Variants in TRPC6 observed in about 807,000 individuals in gnomAD.
TRPC6 encodes short transient receptor potential channel 6.
Under a neutral mutation model 90.7 loss-of-function variants are expected in TRPC6, and 55 were observed. That is an observed-to-expected ratio of 0.61 (90% CI 0.49 to 0.76). TRPC6 has a LOEUF of 0.76. Among genes scored for constraint, TRPC6 ranks in the 30% least tolerant of loss-of-function variants. TRPC6 has a pLI of 0.00. For missense variants in TRPC6, 989 were observed against 1,122.7 expected (o/e 0.88, Z 1.70); for synonymous variants, 393 against 393.0 (o/e 1.00, Z 0.00).
rs150864738 is a variant in TRPC6 at position 101,555,646 on chromosome 11, A to G, written c.170+27688T>C. On this transcript the variant is annotated intron_variant, in intron 1 of 12. Coordinates refer to ENST00000344327, the MANE Select transcript of TRPC6 (RefSeq NM_004621.6). ...ATTTTTAGATGAACATGGGAACATT[A>G]TGTAAGAGAATGCAAACTTTTAATG... Among the ~76,000 whole-genome samples, 63 of 152,304 alleles carry G rather than the reference A, an allele frequency of 4.1e-4. 1 individual carries two copies. In the East Asian group the frequency reaches 0.011, roughly 26 times the overall value.
chr11:101,489,803 C>A (rs1361782387), intron 3 of TRPC6, among the ~76,000 whole-genome samples: 1 of 151,806 alleles, frequency 6.6e-6, no homozygotes, highest in Non-Finnish European at 1.5e-5. Context: ...TTACAAAGGA[C>A]AGGTTATATA....
At position 101,483,169 on chromosome 11, in the gene TRPC6, C is replaced by G; in HGVS notation, c.1294-4G>C. The G allele has an allele frequency of 6.2e-7, 1 of 1,613,862 alleles. No individual in the cohort carries two copies. Among genetic ancestry groups the G allele is most frequent in the Non-Finnish European group, 8.5e-7 (1 of 1,179,844 alleles). ...GTCCACGCATTATCTTCCCCATCTG[C>G]CACAACACACACCAAAATAAAATCT... On this transcript the variant is annotated splice_region_variant and splice_polypyrimidine_tract_variant and intron_variant, in intron 4 of 12. Coordinates refer to ENST00000344327, the MANE Select transcript of TRPC6 (RefSeq NM_004621.6).
Position 101,472,305 on chromosome 11 carries a change from G to T in TRPC6, c.2037C>A (p.Phe679Leu). ...TTVEESFKTL[F>L]WAIFGLSEVK... ...CTTCAGAAAGTCCAAATATAGCCCA[G>T]AACAGTGTCTTAAAACTCTCTTCAA... is the stretch of plus-strand genomic sequence containing the variant. Residue 679 changes from phenylalanine (F) to leucine (L), a missense_variant, in exon 8 of 13, where the codon TTC (phenylalanine) becomes TTA (leucine). Coordinates refer to ENST00000344327, the MANE Select transcript of TRPC6 (RefSeq NM_004621.6). 1 of 1,612,748 alleles carries T rather than the reference G, an allele frequency of 6.2e-7. No homozygotes were observed. Among genetic ancestry groups the T allele is most frequent in the Non-Finnish European group, 8.5e-7 (1 of 1,179,354 alleles).
At chr11:101,499,056 A>C (rs1339277764) in intron 2 of TRPC6, among the ~76,000 whole-genome samples, 4 of 152,188 alleles carry the variant, frequency 2.6e-5, no homozygotes, top group African/African-American at 4.8e-5. Context: ...ATTTTTTATG[A>C]CTTTGCCTCT....
Position 101,472,342 on chromosome 11 carries a change from A to G in TRPC6, c.2010-10T>C. The G allele has an allele frequency of 6.2e-7, 1 of 1,609,642 alleles. No homozygotes were observed. The highest frequency in any genetic ancestry group is 8.5e-7 in the Non-Finnish European group (1 of 1,177,508). On this transcript the variant is annotated splice_polypyrimidine_tract_variant and intron_variant, in intron 7 of 12. Coordinates refer to ENST00000344327, the MANE Select transcript of TRPC6 (RefSeq NM_004621.6). ...AAAACTCTCTTCAACTCTGGGGAAAAAATAACAGAAGAAAAGAAATAAGAA... is the reference window on the plus strand; with the variant it reads ...AAAACTCTCTTCAACTCTGGGGAAAGAATAACAGAAGAAAAGAAATAAGAA...
chr11:101,465,099 G>A (rs568448082), intron 10 of TRPC6, among the ~76,000 whole-genome samples: 122 of 152,220 alleles, frequency 8.0e-4, no homozygotes, highest in African/African-American at 2.8e-3. Context: ...TTTCTTTAAG[G>A]ATGTTGAATA....
intron 1 of TRPC6, among the ~76,000 whole-genome samples, chr11:101,569,004 A>T (rs1861895620): frequency 6.6e-6 from 1 of 152,232 alleles, no homozygotes; most frequent in Non-Finnish European, 1.5e-5. Flanking sequence ...AAATTCACAC[A>T]TAACAATATT....
At chr11:101,471,964 G>C (rs537566980) in intron 8 of TRPC6, among the ~76,000 whole-genome samples, 173 bp downstream of exon 8, 1 of 152,150 alleles carries the variant, frequency 6.6e-6, no homozygotes, top group Non-Finnish European at 1.5e-5. Context: ...TACTGATGTT[G>C]CATTTGGAAG....
At chr11:101,474,097 C>G (rs1297798975) in intron 6 of TRPC6, among the ~76,000 whole-genome samples, 2 of 152,192 alleles carry the variant, frequency 1.3e-5, no homozygotes, top group East Asian at 3.8e-4. Flanking sequence ...AACTACTTCT[C>G]TAGTTTTGTT....
intron 1 of TRPC6, among the ~76,000 whole-genome samples, chr11:101,547,823 C>T (rs1038023878): frequency 2.1e-4 from 32 of 152,242 alleles, no homozygotes; most frequent in African/African-American, 7.2e-4. Context: ...GCACTATATG[C>T]TCCTAGCCTG....
rs1254588306 is a variant in TRPC6 at position 101,452,588 on chromosome 11, A to ACTT, written c.*364_*366dup. On this transcript the variant is annotated 3_prime_UTR_variant, in exon 13 of 13. Transcript: ENST00000344327. ...GCAGGCAAGAAGGAACCTGAAATAA[A>ACTT]CTTCAGAGGAAAAACCGCATGGGGA... The ACTT allele has an allele frequency of 4.6e-6, 1 of 219,058 alleles. No homozygotes were observed. Among genetic ancestry groups the ACTT allele is most frequent in the East Asian group, 1.1e-4 (1 of 8,774 alleles). The allele number at this position is 219,058 out of a possible 1,614,324, so 13.6% of individuals were successfully genotyped here. A position where few individuals can be genotyped will look rare whatever the true frequency, so the allele number is the denominator to read the frequency against.
At chr11:101,492,145 C>T (rs1023114244) in intron 2 of TRPC6, among the ~76,000 whole-genome samples, 1 of 151,934 alleles carries the variant, frequency 6.6e-6, no homozygotes, top group African/African-American at 2.4e-5. Context: ...AGCCGAGAAA[C>T]ATTCTATTTT....
At position 101,558,190 on chromosome 11, in the gene TRPC6, C is replaced by CATAT. The variant is rs1207662562; in HGVS notation, c.170+25140_170+25143dup. On this transcript the variant is annotated intron_variant, in intron 1 of 12. Coordinates refer to ENST00000344327, the MANE Select transcript of TRPC6 (RefSeq NM_004621.6). ...AAACACACAAATATATATAAACATA[C>CATAT]ATATATATGTGTGTGTATACATGTA... 1.5e-5 allele frequency among the ~76,000 whole-genome samples: 2 copies of CATAT among 136,182 alleles called. 1 individual carries two copies. Among genetic ancestry groups the CATAT allele is most frequent in the African/African-American group, 5.7e-5 (2 of 35,122 alleles). 89.3% of individuals were successfully genotyped at this position (136,182 alleles called of 152,430 possible).
intron 1 of TRPC6, among the ~76,000 whole-genome samples, chr11:101,564,488 C>G (rs1457679114): frequency 6.6e-6 from 1 of 152,086 alleles, no homozygotes; most frequent in African/African-American, 2.4e-5. Flanking sequence ...TGCTCCAGTA[C>G]ATGCTTATAG....
At chr11:101,546,978 T>C (rs182391231) in intron 1 of TRPC6, among the ~76,000 whole-genome samples, 12 of 152,210 alleles carry the variant, frequency 7.9e-5, no homozygotes, top group Admixed American at 6.5e-4. Context: ...CATCCACTTA[T>C]AGAAAGTTCA....
At chr11:101,496,073 G>T (rs533983013) in intron 2 of TRPC6, among the ~76,000 whole-genome samples, 1 of 138,436 alleles carries the variant, frequency 7.2e-6, no homozygotes, top group East Asian at 2.0e-4. Context: ...TCTCCATGTG[G>T]CAGCAGGAGA....
chr11:101,578,513 C>G (rs1032508833), intron 1 of TRPC6, among the ~76,000 whole-genome samples: 4 of 152,144 alleles, frequency 2.6e-5, no homozygotes, highest in African/African-American at 4.8e-5. Context: ...AATTCAAACT[C>G]TGGATCTTAT....
At chr11:101,457,144 A>T (rs1858902352) in intron 10 of TRPC6, among the ~76,000 whole-genome samples, 1 of 152,186 alleles carries the variant, frequency 6.6e-6, no homozygotes. Flanking sequence ...GTATTTATAG[A>T]TGGTGCCAAC....
intron 1 of TRPC6, among the ~76,000 whole-genome samples, chr11:101,516,320 G>A (rs1373110313): frequency 6.6e-6 from 1 of 151,934 alleles, no homozygotes; most frequent in Non-Finnish European, 1.5e-5. Flanking sequence ...TTATTATTGT[G>A]ACGCACACAT....
Sources: allele counts gnomAD v4.1 joint callset (sites outside exome capture counted in the v4.1 genomes callset), GRCh38; gene constraint gnomAD v4.1.1; transcripts MANE v1.5; gene names NCBI Gene and HGNC (gene_info 2026-07-23, HGNC 2026-07-21).